The following DMXL2 variants were observed in gnomAD, a reference collection of about 807,000 sequenced individuals.
DMXL2 encodes the protein Dmx like 2.
In DMXL2, 103 loss-of-function variants were observed where a neutral mutation model predicts 331.1. That is an observed-to-expected ratio of 0.31 (90% CI 0.27 to 0.37). The LOEUF is 0.37. Ranked by LOEUF, DMXL2 falls within the 10% of genes least tolerant of loss-of-function variation. DMXL2 has a pLI of 1.00. For missense variants in DMXL2, 3,171 were observed against 3,642.9 expected (o/e 0.87, Z 3.33); for synonymous variants, 1,281 against 1,252.1 (o/e 1.02, Z -0.49).
Position 51,464,817 on chromosome 15 carries a change from G to T in DMXL2, c.7666C>A (p.Gln2556Lys). 6.2e-7 allele frequency: 1 copy of T among 1,614,128 alleles called. No individual in the cohort carries two copies. The highest frequency in any genetic ancestry group is 2.2e-5 in the East Asian group (1 of 44,858). ...AVIKNLENWE[Q>K]ILQEKMDQFE... ...TGATCCATTTTCTCTTGCAAGATCTGTTCCCAGTTCTCCAAGTTTTTAATC... is the reference window on the plus strand; with the variant it reads ...TGATCCATTTTCTCTTGCAAGATCTTTTCCCAGTTCTCCAAGTTTTTAATC... Residue 2556 changes from glutamine (Q) to lysine (K), a missense_variant, in exon 32 of 44, where the codon CAG (glutamine) becomes AAG (lysine). Gln to Lys is a moderately conservative substitution (Grantham distance 53, BLOSUM62 1). Coordinates refer to ENST00000560891, the MANE Select transcript of DMXL2 (RefSeq NM_001378457.1).
At chr15:51,589,987 T>C (rs999320651) in intron 1 of DMXL2, among the ~76,000 whole-genome samples, 1 of 152,232 alleles carries the variant, frequency 6.6e-6, no homozygotes, top group Non-Finnish European at 1.5e-5. Context: ...TTATGCTTTA[T>C]CATGTCAAAT....
chr15:51,515,442 T>C (rs1442633454), intron 14 of DMXL2, among the ~76,000 whole-genome samples: 2 of 152,134 alleles, frequency 1.3e-5, no homozygotes, highest in Non-Finnish European at 2.9e-5. Flanking sequence ...ATTATAATAT[T>C]AGGTTGGGCC....
intron 1 of DMXL2, among the ~76,000 whole-genome samples, chr15:51,604,531 G>A (rs1288531406): frequency 6.6e-6 from 1 of 152,062 alleles, no homozygotes; most frequent in Non-Finnish European, 1.5e-5. Context: ...ACATAGGTCT[G>A]AAAAATTAAA....
intron 6 of DMXL2, among the ~76,000 whole-genome samples, chr15:51,561,344 A>G (rs1284269273): frequency 6.6e-6 from 1 of 152,214 alleles, no homozygotes; most frequent in African/African-American, 2.4e-5. Context: ...TAGTCTTCAT[A>G]CAATTTCTTC....
intron 13 of DMXL2, among the ~76,000 whole-genome samples, chr15:51,527,310 G>A (rs1277819262): frequency 6.6e-6 from 1 of 152,042 alleles, no homozygotes; most frequent in Non-Finnish European, 1.5e-5. Flanking sequence ...CTTCAAACAT[G>A]AAGGATAACT....
In DMXL2 at chr15:51,500,170, A is replaced by C; in HGVS notation, c.3054T>G (p.Thr1018=). The C allele has an allele frequency of 6.2e-7, 1 of 1,614,202 alleles. No homozygotes were observed. The highest frequency in any genetic ancestry group is 1.1e-5 in the South Asian group (1 of 91,074). The change falls in exon 18 of 44, where the codon ACT becomes ACG. Residue 1018 remains threonine (T), a synonymous_variant. Coordinates refer to ENST00000560891, the MANE Select transcript of DMXL2 (RefSeq NM_001378457.1). The stretch of plus-strand genomic sequence containing the variant: ...AGAAGCGTACTTTATTGTCAGAACA[A>C]GTTGTAACCACTAAATAAGGTGCAA... ...VCLAPYLVVT[T]CSDNKVRFWK... is the part of the protein sequence containing the mutation.
intron 1 of DMXL2, among the ~76,000 whole-genome samples, chr15:51,589,571 C>A (rs1441873328): frequency 6.6e-6 from 1 of 152,094 alleles, no homozygotes; most frequent in Admixed American, 6.5e-5. Flanking sequence ...AATGAGAATT[C>A]TGGGAGGAAA....
Position 51,474,460 on chromosome 15 carries a change from G to A in DMXL2, c.7097C>T (p.Ser2366Phe). 6.2e-7 allele frequency: 1 copy of A among 1,614,168 alleles called. No individual in the cohort carries two copies. ...LLIHALATNS[S>F]SELFRLAAHP... ...GGCTGCAAGCCGAAATAATTCACTGGAGGAATTTGTGGCAAGAGCATGTAT... is the reference window on the plus strand; with the variant it reads ...GGCTGCAAGCCGAAATAATTCACTGAAGGAATTTGTGGCAAGAGCATGTAT... The change falls in exon 28 of 44, where the codon TCC becomes TTC. Residue 2366 changes from serine (S) to phenylalanine (F), a missense_variant. Transcript: ENST00000560891.
intron 20 of DMXL2, among the ~76,000 whole-genome samples, chr15:51,490,413 T>C (rs1183697535): frequency 6.6e-6 from 1 of 152,208 alleles, no homozygotes; most frequent in Non-Finnish European, 1.5e-5. Context: ...GGAAAAGGTC[T>C]TTGCATCCTT....
At chr15:51,558,276 A>G (rs1172227061) in intron 6 of DMXL2, among the ~76,000 whole-genome samples, 1 of 152,128 alleles carries the variant, frequency 6.6e-6, no homozygotes, top group African/African-American at 2.4e-5. Flanking sequence ...CCTCCTTCCA[A>G]TCCAGTATAT....
At position 51,499,082 on chromosome 15, in the gene DMXL2, A is replaced by G; in HGVS notation, c.4142T>C (p.Ile1381Thr). 7 of 1,614,044 alleles carry G rather than the reference A, an allele frequency of 4.3e-6. No homozygotes were observed. Among genetic ancestry groups the G allele is most frequent in the Non-Finnish European group, 5.9e-6 (7 of 1,180,034 alleles). ...LVKCIAGEVA[I>T]VRDPDAGEGT... ...TTCTCCAGCATCAGGATCTCTAACT[A>G]TTGCTACTTCACCTGCAATACATTT... The change falls in exon 18 of 44, where the codon ATA becomes ACA. Residue 1381 changes from isoleucine to threonine, a missense_variant. Physicochemically the swap from Ile to Thr is moderately conservative, Grantham distance 89. Transcript: ENST00000560891.
chr15:51,454,879 GA>G (rs1412386312), intron 40 of DMXL2, among the ~76,000 whole-genome samples: 2 of 151,668 alleles, frequency 1.3e-5, no homozygotes, highest in East Asian at 3.9e-4. Flanking sequence ...TAATAATAAT[GA>G]AAAAAAACCC....
intron 33 of DMXL2, among the ~76,000 whole-genome samples, chr15:51,461,020 C>A (rs2040064311): frequency 6.6e-6 from 1 of 152,174 alleles, no homozygotes; most frequent in African/African-American, 2.4e-5. Context: ...TTTCCATCAT[C>A]ACAGAAAGTT....
intron 3 of DMXL2, chr15:51,567,794 T>C (rs1443496482): frequency 1.3e-5 from 2 of 152,420 alleles, no homozygotes; most frequent in Non-Finnish European, 2.9e-5. Flanking sequence ...CTGAAAGAAA[T>C]ATGGAGCAGC....
Position 51,486,242 on chromosome 15 carries a change from G to A in DMXL2, c.5313C>T (p.Ile1771=). 6.2e-7 allele frequency: 1 copy of A among 1,613,878 alleles called. No homozygotes were observed. The highest frequency in any genetic ancestry group is 8.5e-7 in the Non-Finnish European group (1 of 1,179,852). The change falls in exon 23 of 44, where the codon ATC becomes ATT. Residue 1771 remains isoleucine (I), a synonymous_variant. Coordinates refer to ENST00000560891, the MANE Select transcript of DMXL2 (RefSeq NM_001378457.1). ...GGCAACCCAAAATCTTCTGATTTAG[G>A]ATGGATATATAAGTGGATGAAGTCT... ...EFETSSTYIS[I]LNQKILGCQK...
intron 1 of DMXL2, among the ~76,000 whole-genome samples, chr15:51,616,580 C>T (rs181978131): frequency 6.6e-6 from 1 of 152,224 alleles, no homozygotes; most frequent in Admixed American, 6.5e-5. Context: ...TCTACAAACT[C>T]GAAAGGACTG....
intron 1 of DMXL2, among the ~76,000 whole-genome samples, chr15:51,616,622 C>T (rs1351292429): frequency 6.6e-6 from 1 of 152,160 alleles, no homozygotes; most frequent in African/African-American, 2.4e-5. Flanking sequence ...AAATATTTGG[C>T]TTCCAAATTT....
In DMXL2 at chr15:51,498,847, C is replaced by G; in HGVS notation, c.4377G>C (p.Gln1459His). 1.2e-6 allele frequency: 2 copies of G among 1,614,162 alleles called. No homozygotes were observed. The highest frequency in any genetic ancestry group is 1.7e-6 in the Non-Finnish European group (2 of 1,180,008). The change falls in exon 18 of 44, where the codon CAG (glutamine) becomes CAC (histidine). Residue 1459 changes from glutamine (Q) to histidine (H), a missense_variant. Gln to His is a conservative substitution (Grantham distance 24). Coordinates refer to ENST00000560891, the MANE Select transcript of DMXL2 (RefSeq NM_001378457.1). ...STKIPQSYED[Q>H]TVSQPEDQYS... ...ACTGATCCTCTGGTTGACTTACTGT[C>G]TGATCTTCATAGCTCTGTGGTATCT... is the stretch of plus-strand genomic sequence containing the variant.
intron 2 of DMXL2, among the ~76,000 whole-genome samples, 157 bp downstream of exon 2, chr15:51,575,899 C>A (rs2050992949): frequency 6.6e-6 from 1 of 152,030 alleles, no homozygotes; most frequent in African/African-American, 2.4e-5. Flanking sequence ...TGGCACTTTA[C>A]AATTTGTATA....
Sources: gnomAD v4.1 joint callset for allele counts (sites outside exome capture counted in the v4.1 genomes callset) on GRCh38, gnomAD v4.1.1 for gene constraint, MANE v1.5 for transcripts, NCBI Gene and HGNC (gene_info 2026-07-23, HGNC 2026-07-21) for gene names.